NCOR2: variants seen among roughly 807,000 people sequenced by gnomAD.
NCOR2 encodes the protein nuclear receptor corepressor 2.
A neutral mutation model predicts 262.9 loss-of-function variants in NCOR2; 81 were observed. The observed-to-expected ratio is 0.31, with a 90% CI of 0.26 to 0.37. The LOEUF is 0.37. Ranked by LOEUF, NCOR2 falls within the 10% of genes least tolerant of loss-of-function variation. NCOR2 has a pLI of 1.00. For synonymous variants in NCOR2, 1,659 were observed against 1,559.3 expected (o/e 1.06, Z -1.51); for missense variants, 3,385 against 3,621.4 (o/e 0.93, Z 1.68).
At chr12:124,367,275 GGCACACACAGAGGCCCA>G (rs138465952) in intron 20 of NCOR2, among the ~76,000 whole-genome samples, 20,370 of 152,058 alleles carry the variant, frequency 0.13, 1,553 homozygotes, top group African/African-American at 0.18. Context: ...CCCTCTGGGG[GGCACACACAGAGGCCCA>G]AACCCTTCTT....
intron 1 of NCOR2, among the ~76,000 whole-genome samples, chr12:124,493,578 T>C (rs1218492326): frequency 2.6e-5 from 4 of 152,136 alleles, no homozygotes; most frequent in African/African-American, 7.2e-5. Flanking sequence ...ATTGACAAAA[T>C]ACAGAGCATG....
chr12:124,336,715 C>T (rs369205569), intron 38 of NCOR2, 38 bp downstream of exon 40: 11 of 1,604,832 alleles, frequency 6.9e-6, no homozygotes, highest in Admixed American at 3.4e-5. Context: ...GCATGATAAT[C>T]GCGTCTATGA....
At chr12:124,327,320 A>T in intron 45 of NCOR2, 89 bp downstream of exon 47, 1 of 983,618 alleles carries the variant, frequency 1.0e-6, no homozygotes, top group Non-Finnish European at 1.4e-6. Context: ...AAGCTCGAGG[A>T]GGGGGTTGTC....
At chr12:124,533,546 G>A (rs528253631) in intron 1 of NCOR2, among the ~76,000 whole-genome samples, 41 of 152,110 alleles carry the variant, frequency 2.7e-4, no homozygotes, top group African/African-American at 8.7e-4. Flanking sequence ...CCCGCTAAGC[G>A]TCGCACTTAC....
At chr12:124,364,204 A>G (rs1289136044) in intron 20 of NCOR2, among the ~76,000 whole-genome samples, 1 of 152,220 alleles carries the variant, frequency 6.6e-6, no homozygotes, top group Non-Finnish European at 1.5e-5. Context: ...GGCCCACACC[A>G]CACGTGGCCC....
chr12:124,329,468 G>GACAA (rs1194684610), intron 44 of NCOR2, among the ~76,000 whole-genome samples: 2 of 151,060 alleles, frequency 1.3e-5, no homozygotes, highest in Non-Finnish European at 3.0e-5. Flanking sequence ...CAAACAAACA[G>GACAA]ACAAACAAAC....
intron 32 of NCOR2, 103 bp downstream of exon 34, chr12:124,344,494 G>T: frequency 9.2e-7 from 1 of 1,091,172 alleles, no homozygotes; most frequent in Non-Finnish European, 1.2e-6. Context: ...GAAAGCGGGT[G>T]GCGAGGATAT....
At chr12:124,427,485 C>T (rs974599077) in intron 10 of NCOR2, among the ~76,000 whole-genome samples, 4 of 152,246 alleles carry the variant, frequency 2.6e-5, no homozygotes, top group Admixed American at 2.0e-4. Context: ...CGATTAATTA[C>T]CCATCTCCGG....
chr12:124,386,553 G>A (rs1360407252), intron 16 of NCOR2, among the ~76,000 whole-genome samples: 4 of 152,120 alleles, frequency 2.6e-5, no homozygotes, highest in Non-Finnish European at 5.9e-5. Context: ...GCTGGAATTT[G>A]CTCCCAAACC....
intron 20 of NCOR2, among the ~76,000 whole-genome samples, chr12:124,366,681 A>AT (rs1176908948): frequency 2.0e-5 from 3 of 151,828 alleles, no homozygotes; most frequent in Admixed American, 1.3e-4. Flanking sequence ...TGATTTTTGC[A>AT]TTTTTTTCTT....
Position 124,503,759 on chromosome 12 carries a change from G to GATGC in NCOR2, c.-117-8392_-117-8391insGCAT, listed in dbSNP as rs1485327890. On this transcript the variant is annotated intron_variant, in intron 1 of 46. Coordinates refer to the NCOR2 transcript ENST00000404621. The surrounding 1 kb of genome is among the most constrained non-coding windows in gnomAD (Gnocchi z 4.3). ...GGACGGATGGATGCATGGATGCATG[G>GATGC]ATGGATGGATGGATGGATGGGCGGA... Among the ~76,000 whole-genome samples the GATGC allele has an allele frequency of 1.6e-5, 2 of 122,226 alleles. No homozygotes were observed. Among genetic ancestry groups the GATGC allele is most frequent in the African/African-American group, 5.1e-5 (2 of 38,918 alleles). The allele number at this position is 122,226 out of a possible 152,430, so 80.2% of individuals were successfully genotyped here.
chr12:124,519,089 TACACACACACACACAC>T (rs57438929), intron 1 of NCOR2, among the ~76,000 whole-genome samples: 3 of 97,268 alleles, frequency 3.1e-5, no homozygotes, highest in Non-Finnish European at 4.4e-5. Flanking sequence ...GGCCAAATAA[TACACACACACACACAC>T]ACACACACAC....
chr12:124,400,744 T>C (rs2293513), intron 14 of NCOR2, 71 bp from the exon 17 acceptor site: 1,019,242 of 1,559,348 alleles, frequency 0.65, 337,949 homozygotes, highest in East Asian at 0.78. Flanking sequence ...TGGAGGAGAC[T>C]GTTTCTTTAG....
intron 1 of NCOR2, among the ~76,000 whole-genome samples, chr12:124,509,501 C>T (rs1460680154): frequency 2.6e-5 from 4 of 152,146 alleles, no homozygotes; most frequent in Non-Finnish European, 5.9e-5. Context: ...AACCAAGAGA[C>T]CTAAGATAGC....
intron 7 of NCOR2, among the ~76,000 whole-genome samples, chr12:124,445,185 A>G (rs1007807608): frequency 6.6e-6 from 1 of 152,212 alleles, no homozygotes; most frequent in African/African-American, 2.4e-5. Context: ...AATGTGCCTG[A>G]GCGCCATCTG....
chr12:124,505,828 C>T (rs1295324555), intron 1 of NCOR2, among the ~76,000 whole-genome samples: 5 of 152,166 alleles, frequency 3.3e-5, no homozygotes, highest in South Asian at 4.1e-4. Flanking sequence ...TGGCTATCTT[C>T]GCCTTGCAGA....
At chr12:124,336,993 T>G (rs760458961) in exon 38 of NCOR2, 5 of 1,510,572 alleles carry the variant, frequency 3.3e-6, no homozygotes, top group Non-Finnish European at 4.4e-6. Flanking sequence ...GCTGGGGGCT[T>G]GGCGAGGAAG....
chr12:124,332,444 C>T (rs1453439082), exon 43 of NCOR2: 1 of 1,614,200 alleles, frequency 6.2e-7, no homozygotes, highest in South Asian at 1.1e-5. Flanking sequence ...GCTGGTGTTG[C>T]CTGGAGACTT....
upstream of NCOR2, among the ~76,000 whole-genome samples, chr12:124,535,885 A>G (rs979593826): frequency 9.5e-5 from 12 of 126,080 alleles, no homozygotes; most frequent in Admixed American, 3.1e-4. Context: ...GTGTGGGTTT[A>G]AAGGCATCCC....
Sources: gnomAD v4.1 joint callset for allele counts (sites outside exome capture counted in the v4.1 genomes callset) on GRCh38, gnomAD v4.1.1 for gene constraint, Gnocchi (gnomAD v3.1) non-coding constraint, MANE v1.5 for transcripts, NCBI Gene and HGNC (gene_info 2026-07-23, HGNC 2026-07-21) for gene names.